GTF3C1: variants seen among roughly 807,000 people sequenced by gnomAD.
GTF3C1 encodes the protein general transcription factor IIIC subunit 1.
In GTF3C1, 57 loss-of-function variants were observed where a neutral mutation model predicts 226.7. The observed-to-expected ratio is 0.25, with a 90% CI of 0.20 to 0.31. The LOEUF (loss-of-function observed/expected upper bound fraction) is 0.31, where lower values mean the gene tolerates loss of function less well. Ranked by LOEUF, GTF3C1 falls within the 10% of genes least tolerant of loss-of-function variation. The probability of loss-of-function intolerance (pLI) is 1.00; values close to 1 mark genes in which losing one functional copy is unlikely to be tolerated. For synonymous variants in GTF3C1, 1,090 were observed against 1,084.8 expected, an observed-to-expected ratio of 1.00 and a Z score of -0.09; for missense variants, 2,217 against 2,776.1, an observed-to-expected ratio of 0.80 and a Z score of 4.53.
chr16:27,494,089 A>G (rs925144744), intron 16 of GTF3C1, among the ~76,000 whole-genome samples: 1 of 152,106 alleles, frequency 6.6e-6, no homozygotes, highest in Non-Finnish European at 1.5e-5. Flanking sequence ...ATCTTTCTCT[A>G]TTTACCAAAT....
chr16:27,463,888 T>C lies in GTF3C1; in HGVS notation c.5873-296A>G, dbSNP rs954699123. On this transcript the variant is annotated intron_variant, in intron 34 of 36. Transcript: ENST00000356183. This position sits in a 1 kb window ranked among gnomAD's most constrained non-coding sequence, Gnocchi z 4.9. ...CACCCAGAAGCCCCGACCACAAGGG[T>C]GGTATAAAACCCGAGGCAAAAACAC... 1.3e-5 allele frequency: 6 copies of C among 472,028 alleles called. No individual in the cohort carries two copies. The highest frequency in any genetic ancestry group is 1.0e-4 in the African/African-American group (5 of 49,242). The allele number at this position is 472,028 out of a possible 1,614,324, so 29.2% of individuals were successfully genotyped here.
intron 34 of GTF3C1, chr16:27,464,030 C>CA (rs2087744352): frequency 6.8e-6 from 3 of 440,668 alleles, no homozygotes; most frequent in Non-Finnish European, 1.2e-5. Context: ...CCCATGCCAT[C>CA]ACTGCCCCAC....
rs769089553 is a variant in GTF3C1 at position 27,464,618 on chromosome 16, C to G, written c.5574G>C (p.Arg1858=). The G allele has an allele frequency of 3.3e-6, 5 of 1,505,244 alleles. No individual in the cohort carries two copies. The Admixed American group carries it at 1.2e-4, about 35-fold the overall frequency. 93.2% of individuals were successfully genotyped at this position (1,505,244 alleles called of 1,614,324 possible). ...CCCAGCTGGCGCGCCTCTTGGTGCC[C>G]CGGGGGCTGTGAGAAGGAGGTGCCT... The part of the protein sequence containing the change: ...EGQAPPSHSP[R]GTKRRASWAS... The change falls in exon 34 of 37, where the codon CGG becomes CGC. Residue 1858 remains arginine, a synonymous_variant. Coordinates refer to ENST00000356183, the MANE Select transcript of GTF3C1 (RefSeq NM_001520.4).
At chr16:27,517,339 A>G (rs2088673581) in intron 6 of GTF3C1, among the ~76,000 whole-genome samples, 1 of 152,190 alleles carries the variant, frequency 6.6e-6, no homozygotes, top group Non-Finnish European at 1.5e-5. Context: ...CCAGACTACA[A>G]GTCAGCTAAA....
At chr16:27,532,863 G>A (rs1297881275) in intron 5 of GTF3C1, among the ~76,000 whole-genome samples, 1 of 152,238 alleles carries the variant, frequency 6.6e-6, no homozygotes, top group African/African-American at 2.4e-5. Flanking sequence ...GCTGGGCACA[G>A]TGGCTCACCC....
In GTF3C1 at chr16:27,506,038, C is replaced by T. The variant is rs965215634; in HGVS notation, c.1631G>A (p.Cys544Tyr). 2.5e-6 allele frequency: 4 copies of T among 1,613,760 alleles called. No individual in the cohort carries two copies. Among genetic ancestry groups the T allele is most frequent in the Non-Finnish European group, 2.5e-6 (3 of 1,179,604 alleles). Residue 544 changes from cysteine (C) to tyrosine (Y), a missense_variant, in exon 10 of 37, where the codon TGC becomes TAC. By Grantham distance (194) the Cys-to-Tyr change is radical (BLOSUM62 -2). This residue lies in a region of GTF3C1 where 173 missense variants were observed against 207.2 expected (regional missense o/e 0.83). Transcript: ENST00000356183. ...GCTGTCCCTGCTGGCAAGGCTCTGGCAGGCTCTCTCTTCAGCAGCTCCTGG... is the reference window on the plus strand; with the variant it reads ...GCTGTCCCTGCTGGCAAGGCTCTGGTAGGCTCTCTCTTCAGCAGCTCCTGG... Reference protein sequence around the residue: ...SFPGAAEERACQSLASRDSLL... With the variant: ...SFPGAAEERAYQSLASRDSLL...
Position 27,497,874 on chromosome 16 carries a change from GA to G in GTF3C1, c.2166-54del, listed in dbSNP as rs1405295656. 12 of 1,436,814 alleles carry G rather than the reference GA, an allele frequency of 8.4e-6. No homozygotes were observed. In the Admixed American group the frequency reaches 2.3e-4, roughly 27 times the overall value. The allele number at this position is 1,436,814 out of a possible 1,614,324, so 89.0% of individuals were successfully genotyped here. On this transcript the variant is annotated intron_variant, in intron 13 of 36. Transcript: ENST00000356183. The stretch of plus-strand genomic sequence containing the variant: ...GTACTGAGAAAATCAAGGGCTAAGA[GA>G]AAGGACAGAGTCTGTCTGCATGAAT...
At chr16:27,519,790 T>C (rs1029908910) in intron 6 of GTF3C1, among the ~76,000 whole-genome samples, 7 of 151,904 alleles carry the variant, frequency 4.6e-5, no homozygotes, top group African/African-American at 9.7e-5. Flanking sequence ...ACTGACAGGA[T>C]TGCATGCTTA....
intron 6 of GTF3C1, among the ~76,000 whole-genome samples, chr16:27,520,321 G>A (rs1465461923): frequency 6.6e-6 from 1 of 152,082 alleles, no homozygotes; most frequent in Non-Finnish European, 1.5e-5. Context: ...CACCATGTTG[G>A]CCAAGCTGGT....
Position 27,543,041 on chromosome 16 carries a change from C to T in GTF3C1, c.431+2273G>A, listed in dbSNP as rs188422746. 1.2e-3 allele frequency among the ~76,000 whole-genome samples: 190 copies of T among 152,276 alleles called. 1 individual carries two copies. Among genetic ancestry groups the T allele is most frequent in the Non-Finnish European group, 2.1e-3 (142 of 68,020 alleles). ...CAGATTATTGGAATAACACATATGCCGCTTGGGAGAGAGGTCTGGGACTAG... is the reference window on the plus strand; with the variant it reads ...CAGATTATTGGAATAACACATATGCTGCTTGGGAGAGAGGTCTGGGACTAG... On this transcript the variant is annotated intron_variant, in intron 2 of 36. Transcript: ENST00000356183.
chr16:27,514,841 C>G (rs1333968536), intron 6 of GTF3C1, among the ~76,000 whole-genome samples: 1 of 152,148 alleles, frequency 6.6e-6, no homozygotes, highest in East Asian at 1.9e-4. Flanking sequence ...GGCTCTAAAC[C>G]TTTGGTTTAG....
chr16:27,493,315 G>C lies in GTF3C1; in HGVS notation c.2779-19C>G. On this transcript the variant is annotated intron_variant, in intron 16 of 36. Transcript: ENST00000356183. ...TGTCCACCTGAAGAGGTGATGTGCAGGTTCAGCTCGCCCTGAGGGCCAGGG... is the reference window on the plus strand; with the variant it reads ...TGTCCACCTGAAGAGGTGATGTGCACGTTCAGCTCGCCCTGAGGGCCAGGG... 7.5e-7 allele frequency: 1 copy of C among 1,337,440 alleles called. No individual in the cohort carries two copies. Among genetic ancestry groups the C allele is most frequent in the Non-Finnish European group, 1.1e-6 (1 of 927,120 alleles). 82.8% of individuals were successfully genotyped at this position (1,337,440 alleles called of 1,614,324 possible).
intron 2 of GTF3C1, 114 bp downstream of exon 2, chr16:27,545,200 C>T: frequency 1.3e-6 from 1 of 773,732 alleles, no homozygotes; most frequent in Non-Finnish European, 2.3e-6. Context: ...TGGTCTTGAA[C>T]TCCTGGCCTC....
At chr16:27,541,890 TG>T (rs2089089488) in intron 2 of GTF3C1, among the ~76,000 whole-genome samples, 1 of 152,110 alleles carries the variant, frequency 6.6e-6, no homozygotes, top group Non-Finnish European at 1.5e-5. Flanking sequence ...TGGAACCGGG[TG>T]GTACATGGCC....
At chr16:27,465,226 C>T (rs771685236) in intron 33 of GTF3C1, 34 bp downstream of exon 33, 39 of 1,602,630 alleles carry the variant, frequency 2.4e-5, no homozygotes, top group South Asian at 2.2e-5. Context: ...ATTTCCGCTT[C>T]GGTGATATCC....
At chr16:27,500,324 T>C (rs945335818) in intron 12 of GTF3C1, among the ~76,000 whole-genome samples, 1 of 152,222 alleles carries the variant, frequency 6.6e-6, no homozygotes, top group Non-Finnish European at 1.5e-5. Flanking sequence ...CATTATTGTT[T>C]TATTTTAAAA....
intron 2 of GTF3C1, among the ~76,000 whole-genome samples, chr16:27,543,717 G>A (rs1000927864): frequency 2.0e-4 from 31 of 152,272 alleles, no homozygotes; most frequent in African/African-American, 7.0e-4. Context: ...AAGGAAGTAG[G>A]TGAATCCACA....
intron 23 of GTF3C1, 154 bp downstream of exon 23, chr16:27,488,073 A>G: frequency 1.6e-6 from 1 of 620,596 alleles, no homozygotes; most frequent in Non-Finnish European, 2.8e-6. Context: ...GTGGAAATAA[A>G]GCAACCATCA....
At chr16:27,536,530 G>C (rs2089003943) in intron 4 of GTF3C1, among the ~76,000 whole-genome samples, 1 of 152,226 alleles carries the variant, frequency 6.6e-6, no homozygotes, top group Non-Finnish European at 1.5e-5. Context: ...CTGGGAGGCG[G>C]ACATTTGACA....
Sources: allele counts gnomAD v4.1 joint callset (sites outside exome capture counted in the v4.1 genomes callset), GRCh38; gene constraint gnomAD v4.1.1; regional missense constraint gnomAD v4.1.1; non-coding constraint Gnocchi (gnomAD v3.1); transcripts MANE v1.5; gene names NCBI Gene and HGNC (gene_info 2026-07-23, HGNC 2026-07-21).